The following IRF5 variants were observed in gnomAD, a reference collection of about 807,000 sequenced individuals.
IRF5 encodes the protein interferon regulatory factor 5.
A neutral mutation model predicts 55.1 loss-of-function variants in IRF5; 24 were observed. That is an observed-to-expected ratio of 0.44 (90% CI 0.32 to 0.61). The LOEUF is 0.61. Among genes scored for constraint, IRF5 ranks in the 20% least tolerant of loss-of-function variants. IRF5 has a pLI of 0.07. For synonymous variants in IRF5, 258 were observed against 260.2 expected (o/e 0.99, Z 0.08); for missense variants, 499 against 658.5 (o/e 0.76, Z 2.65).
rs778604678 is a variant in IRF5 at position 128,942,285 on chromosome 7, C to T, written c.195+9C>T. 29 of 1,603,130 alleles carry T rather than the reference C, an allele frequency of 1.8e-5. 1 individual carries two copies. Among genetic ancestry groups the T allele is most frequent in the African/African-American group, 9.4e-5 (7 of 74,638 alleles). ...ATAACACCATCTTCAAGGTAAGCCC[C>T]GGGGAGGAGGTTGGCTGGACCTCCA... On this transcript the variant is annotated intron_variant, in intron 2 of 8. Transcript: ENST00000357234.
In IRF5 at chr7:128,942,332, G is replaced by A; in HGVS notation, c.195+56G>A. ...TCCAGGGCACCCTGTCCCCAGAAGA[G>A]GAGCGCACATAACGCACACAGGCAG... On this transcript the variant is annotated intron_variant, in intron 2 of 8. Coordinates refer to ENST00000357234, the MANE Select transcript of IRF5 (RefSeq NM_001098629.3). 3 of 1,511,960 alleles carry A rather than the reference G, an allele frequency of 2.0e-6. No individual in the cohort carries two copies. In the African/African-American group the frequency reaches 4.1e-5, roughly 21 times the overall value. The allele number at this position is 1,511,960 out of a possible 1,614,324, so 93.7% of individuals were successfully genotyped here. A position where few individuals can be genotyped will look rare whatever the true frequency, so the allele number is the denominator to read the frequency against.
chr7:128,947,454 C>A lies in IRF5; in HGVS notation c.706C>A (p.Pro236Thr), dbSNP rs1253823650. The A allele has an allele frequency of 6.2e-7, 1 of 1,611,664 alleles. No homozygotes were observed. The highest frequency in any genetic ancestry group is 8.5e-7 in the Non-Finnish European group (1 of 1,179,502). The change falls in exon 6 of 9, where the codon CCT becomes ACT. Residue 236 changes from proline to threonine, a missense_variant. Around this residue, in one of 2 missense-constraint regions of IRF5, gnomAD observed 305 missense variants for 340.2 expected, o/e 0.90. Transcript: ENST00000357234. This position sits in a 1 kb window ranked among gnomAD's most constrained non-coding sequence, Gnocchi z 6.5. Reference sequence around the variant, plus strand: ...GGAGCTTCTCTCTGAGGTCCTGGAGCCTGGGCCCCTGCCTGCCAGCCTGCC... The same window carrying A: ...GGAGCTTCTCTCTGAGGTCCTGGAGACTGGGCCCCTGCCTGCCAGCCTGCC... ...FRELLSEVLEPGPLPASLPPA... is the reference protein window; with the variant it reads ...FRELLSEVLETGPLPASLPPA...
At chr7:128,943,251 G>T in intron 2 of IRF5, 1 of 175,450 alleles carries the variant, frequency 5.7e-6, no homozygotes, top group Non-Finnish European at 1.3e-5. Context: ...GGCTGGTCTT[G>T]AACTCCTGGA....
At chr7:128,937,810 C>T (rs1330450505), upstream of IRF5, 1 of 152,268 alleles carries the variant, frequency 6.6e-6, no homozygotes, top group African/African-American at 2.4e-5. Context: ...TGGCCCGAGG[C>T]TCAGCCCGGA....
chr7:128,938,936 G>C (rs990987488), intron 1 of IRF5, among the ~76,000 whole-genome samples: 1 of 151,566 alleles, frequency 6.6e-6, no homozygotes, highest in Non-Finnish European at 1.5e-5. Flanking sequence ...CCGGGGTGCT[G>C]CTCCTCCAGC....
chr7:128,938,405 C>T (rs545570324), intron 1 of IRF5, among the ~76,000 whole-genome samples: 1 of 152,240 alleles, frequency 6.6e-6, no homozygotes, highest in African/African-American at 2.4e-5. Flanking sequence ...TCTCCCTCCC[C>T]CTCGCCATCG....
rs769876611 is a variant in IRF5, at chr7:128,947,797, C to T, written c.856C>T (p.His286Tyr). Reference sequence around the variant, plus strand: ...CCGGGCCCTCACCATCAGCAACCCCCATGGCTGCCGGCTCTTCTACAGCCA... The same window carrying T: ...CCGGGCCCTCACCATCAGCAACCCCTATGGCTGCCGGCTCTTCTACAGCCA... Reference protein sequence around the residue: ...PPRALTISNPHGCRLFYSQLE... With the variant: ...PPRALTISNPYGCRLFYSQLE... Residue 286 changes from histidine to tyrosine, a missense_variant, in exon 7 of 9, where the codon CAT (histidine) becomes TAT (tyrosine). By Grantham distance (83) the His-to-Tyr change is moderately conservative. Around this residue, in one of 2 missense-constraint regions of IRF5, gnomAD observed 194 missense variants for 318.3 expected, o/e 0.61. Transcript: ENST00000357234. The surrounding 1 kb of genome is among the most constrained non-coding windows in gnomAD (Gnocchi z 6.5). 18 of 1,613,660 alleles carry T rather than the reference C, an allele frequency of 1.1e-5. No homozygotes were observed. The South Asian group carries it at 2.0e-4, about 18-fold the overall frequency.
intron 1 of IRF5, 21 bp from the exon 2 acceptor site, chr7:128,942,050 C>T: frequency 6.4e-7 from 1 of 1,565,750 alleles, no homozygotes; most frequent in Non-Finnish European, 8.7e-7. Flanking sequence ...GCTGAGGCTC[C>T]CCTCTGGCTT....
Position 128,946,951 on chromosome 7 carries a change from C to T in IRF5, c.448-72C>T. On this transcript the variant is annotated intron_variant, in intron 4 of 8. Transcript: ENST00000357234. This position sits in a 1 kb window ranked among gnomAD's most constrained non-coding sequence, Gnocchi z 4.2. ...GTTCTCGCCTGTTATTTCCCCAGCCCCAGGTCAGTGGAATAACCTGTCCTC... is the reference window on the plus strand; with the variant it reads ...GTTCTCGCCTGTTATTTCCCCAGCCTCAGGTCAGTGGAATAACCTGTCCTC... The T allele has an allele frequency of 6.4e-7, 1 of 1,572,978 alleles. No individual in the cohort carries two copies. The highest frequency in any genetic ancestry group is 8.7e-7 in the Non-Finnish European group (1 of 1,143,714).
At position 128,947,654 on chromosome 7, in the gene IRF5, G is replaced by A. The variant is rs576195160; in HGVS notation, c.788-75G>A. ...GAAAAGTGGGAGGGCGGATGGGGCT[G>A]GGCCTGGCCACTGGGCTGCAGAATG... On this transcript the variant is annotated intron_variant, in intron 6 of 8. Transcript: ENST00000357234. The surrounding 1 kb of genome is among the most constrained non-coding windows in gnomAD (Gnocchi z 6.5). 2.8e-5 allele frequency: 43 copies of A among 1,514,442 alleles called. 1 individual carries two copies. In the Middle Eastern group the frequency reaches 9.3e-4, roughly 33 times the overall value. The allele number at this position is 1,514,442 out of a possible 1,614,324, so 93.8% of individuals were successfully genotyped here.
At chr7:128,937,487 G>A (rs1361176681), upstream of IRF5, 3 of 152,352 alleles carry the variant, frequency 2.0e-5, no homozygotes, top group Non-Finnish European at 4.4e-5. Context: ...CCGCCTGCAA[G>A]CACATCTGGA....
At chr7:128,945,618 T>C (rs975376757) in intron 2 of IRF5, among the ~76,000 whole-genome samples, 1 of 152,202 alleles carries the variant, frequency 6.6e-6, no homozygotes, top group African/African-American at 2.4e-5. Flanking sequence ...GCAGGGACTA[T>C]GGATGCATCT....
chr7:128,948,642 A>T lies in IRF5; in HGVS notation c.1369A>T (p.Ile457Phe), dbSNP rs766331114. 3 of 1,614,054 alleles carry T rather than the reference A, an allele frequency of 1.9e-6. No individual in the cohort carries two copies. In the African/African-American group the frequency reaches 4.0e-5, roughly 22 times the overall value. The change falls in exon 9 of 9, where the codon ATC becomes TTC. Residue 457 changes from isoleucine (I) to phenylalanine (F), a missense_variant. By Grantham distance (21) the Ile-to-Phe change is conservative. Coordinates refer to ENST00000357234, the MANE Select transcript of IRF5 (RefSeq NM_001098629.3). This position sits in a 1 kb window ranked among gnomAD's most constrained non-coding sequence, Gnocchi z 4.6. The part of the protein sequence containing the change: ...SGELSWSADS[I>F]RLQISNPDLK... ...GGAGCTATCTTGGTCAGCTGATAGT[A>T]TCCGGCTACAGATCTCAAACCCAGA... is the stretch of plus-strand genomic sequence containing the variant.
At chr7:128,944,578 C>T (rs1395940090) in intron 2 of IRF5, among the ~76,000 whole-genome samples, 1 of 152,130 alleles carries the variant, frequency 6.6e-6, no homozygotes, top group East Asian at 1.9e-4. Flanking sequence ...CATCACCACC[C>T]ACTCCCCTCC....
At chr7:128,943,092 G>T in intron 2 of IRF5, 1 of 155,302 alleles carries the variant, frequency 6.4e-6, no homozygotes, top group Non-Finnish European at 1.3e-5. Context: ...GGAGTGCAGT[G>T]GCTTGATCTC....
chr7:128,941,836 G>T (rs1307846738), intron 1 of IRF5, among the ~76,000 whole-genome samples: 1 of 152,172 alleles, frequency 6.6e-6, no homozygotes, highest in Non-Finnish European at 1.5e-5. Flanking sequence ...CCCGGTAAAG[G>T]GCACCTGGGG....
rs1284701216 is a variant in IRF5 at position 128,948,852 on chromosome 7, T to C, written c.*34T>C. On this transcript the variant is annotated 3_prime_UTR_variant, in exon 9 of 9. Transcript: ENST00000357234. The surrounding 1 kb of genome is among the most constrained non-coding windows in gnomAD (Gnocchi z 4.6). ...CAGACGGTGACTGGCCCTGGCTTCC[T>C]GGGTGGCGGTGCGGACTGATGTGGA... The C allele has an allele frequency of 1.3e-6, 2 of 1,587,648 alleles. No individual in the cohort carries two copies. The highest frequency in any genetic ancestry group is 8.5e-7 in the Non-Finnish European group (1 of 1,173,330).
At position 128,948,244 on chromosome 7, in the gene IRF5, C is replaced by A. The variant is rs1383461490; in HGVS notation, c.1215C>A (p.Thr405=). 3 of 1,613,546 alleles carry A rather than the reference C, an allele frequency of 1.9e-6. No homozygotes were observed. The Admixed American group carries it at 5.0e-5, about 27-fold the overall frequency. Residue 405 remains threonine (T), a synonymous_variant, in exon 8 of 9, where the codon ACC becomes ACA. Coordinates refer to ENST00000357234, the MANE Select transcript of IRF5 (RefSeq NM_001098629.3). This position sits in a 1 kb window ranked among gnomAD's most constrained non-coding sequence, Gnocchi z 4.6. Reference sequence around the variant, plus strand: ...TGTTCCAAAAGGGCCAGACCAACACCCCACCACCCTTCGAGATCTTCTTCT... The same window carrying A: ...TGTTCCAAAAGGGCCAGACCAACACACCACCACCCTTCGAGATCTTCTTCT... ...LILFQKGQTN[T]PPPFEIFFCF... is the part of the protein sequence containing the mutation.
rs77365980 is a variant in IRF5 at position 128,944,776 on chromosome 7, T to G, written c.196-1069T>G. 3.1e-3 allele frequency among the ~76,000 whole-genome samples: 466 copies of G among 152,362 alleles called. 3 individuals are homozygous for G. Among genetic ancestry groups the G allele is most frequent in the African/African-American group, 0.011 (444 of 41,590 alleles). Reference sequence around the variant, plus strand: ...TGCTACATGTCAGCTTATAAACAGTTTCCTGCTTTTTCTTTTTTTGTGCTG... The same window carrying G: ...TGCTACATGTCAGCTTATAAACAGTGTCCTGCTTTTTCTTTTTTTGTGCTG... On this transcript the variant is annotated intron_variant, in intron 2 of 8. Coordinates refer to ENST00000357234, the MANE Select transcript of IRF5 (RefSeq NM_001098629.3).
Sources: gnomAD v4.1 joint callset for allele counts (sites outside exome capture counted in the v4.1 genomes callset) on GRCh38, gnomAD v4.1.1 for gene constraint, gnomAD v4.1.1 regional missense constraint, Gnocchi (gnomAD v3.1) non-coding constraint, MANE v1.5 for transcripts, NCBI Gene and HGNC (gene_info 2026-07-23, HGNC 2026-07-21) for gene names.